Variants in NKAIN3 observed in about 807,000 individuals in gnomAD.
NKAIN3 encodes the protein sodium/potassium transporting ATPase interacting 3, also known as sodium/potassium-transporting ATPase subunit beta-1-interacting protein 3.
NKAIN3 carries 25 observed loss-of-function variants against 30.2 expected under a neutral mutation model. The observed-to-expected ratio is 0.83, with a 90% CI of 0.60 to 1.16. The LOEUF is 1.16. Ranked by LOEUF, NKAIN3 falls within the 50% of genes most tolerant of loss-of-function variation. The pLI is 0.00. For missense variants in NKAIN3, 225 were observed against 254.1 expected, an observed-to-expected ratio of 0.89 and a Z score of 0.78; for synonymous variants, 91 against 89.6, an observed-to-expected ratio of 1.02 and a Z score of -0.09.
intron 1 of NKAIN3, among the ~76,000 whole-genome samples, chr8:62,305,926 G>A (rs1814222804): frequency 6.6e-6 from 1 of 150,524 alleles, no homozygotes; most frequent in Non-Finnish European, 1.5e-5. Context: ...GTGCTAGGGG[G>A]GTCCTGTTGG....
chr8:62,345,095 T>G (rs1479819241), intron 1 of NKAIN3, among the ~76,000 whole-genome samples: 1 of 151,898 alleles, frequency 6.6e-6, no homozygotes, highest in Non-Finnish European at 1.5e-5. Flanking sequence ...TTTCTTGATT[T>G]CATTTTCAGA....
At chr8:62,403,732 C>A (rs1803963651) in intron 1 of NKAIN3, among the ~76,000 whole-genome samples, 3 of 152,200 alleles carry the variant, frequency 2.0e-5, no homozygotes, top group Admixed American at 1.3e-4. Context: ...TCATGGAGAA[C>A]CTCTGCTAGG....
chr8:62,447,624 C>A (rs1805524985), intron 1 of NKAIN3, among the ~76,000 whole-genome samples: 1 of 151,894 alleles, frequency 6.6e-6, no homozygotes, highest in African/African-American at 2.4e-5. Context: ...TCCAACCAAC[C>A]AATGCATATA....
At position 62,965,492 on chromosome 8, in the gene NKAIN3, T is replaced by G; in HGVS notation, c.*85T>G. 1 of 985,720 alleles carries G rather than the reference T, an allele frequency of 1.0e-6. No individual in the cohort carries two copies. The highest frequency in any genetic ancestry group is 1.2e-6 in the Non-Finnish European group (1 of 829,914). 61.1% of individuals were successfully genotyped at this position (985,720 alleles called of 1,614,324 possible). On this transcript the variant is annotated 3_prime_UTR_variant, in exon 7 of 7. Coordinates refer to ENST00000623646, the MANE Select transcript of NKAIN3 (RefSeq NM_001304533.3). Reference sequence around the variant, plus strand: ...AGAGGCTAGACTGTGCTTCCTGGCTTTCCCACGAATCATGGAGCATTTTGG... The same window carrying G: ...AGAGGCTAGACTGTGCTTCCTGGCTGTCCCACGAATCATGGAGCATTTTGG...
chr8:62,888,988 T>A (rs935729430), intron 4 of NKAIN3, among the ~76,000 whole-genome samples: 5 of 152,184 alleles, frequency 3.3e-5, no homozygotes, highest in African/African-American at 1.2e-4. Flanking sequence ...AAAAGTTTCT[T>A]AGACAAATGC....
chr8:62,623,301 C>T (rs979500043), intron 3 of NKAIN3, among the ~76,000 whole-genome samples: 1 of 152,052 alleles, frequency 6.6e-6, no homozygotes, highest in Admixed American at 6.6e-5. Flanking sequence ...GATCAGGAAA[C>T]CCTTCACTAG....
At chr8:62,878,753 C>T (rs1226544522) in intron 4 of NKAIN3, among the ~76,000 whole-genome samples, 1 of 148,796 alleles carries the variant, frequency 6.7e-6, no homozygotes, top group East Asian at 2.0e-4. Context: ...TGAGTGAGAA[C>T]ATGCGGTGTT....
At chr8:62,295,115 C>T (rs1463667617) in intron 1 of NKAIN3, among the ~76,000 whole-genome samples, 2 of 152,062 alleles carry the variant, frequency 1.3e-5, no homozygotes, top group Non-Finnish European at 2.9e-5. Flanking sequence ...GAGGCACAAC[C>T]TTAAATAGAA....
chr8:62,687,163 C>T (rs1813823349), intron 3 of NKAIN3, among the ~76,000 whole-genome samples: 1 of 152,202 alleles, frequency 6.6e-6, no homozygotes. Context: ...CACATGATCA[C>T]ATTTGAATTG....
chr8:62,635,106 C>A (rs1812086805), intron 3 of NKAIN3, among the ~76,000 whole-genome samples: 1 of 151,974 alleles, frequency 6.6e-6, no homozygotes, highest in African/African-American at 2.4e-5. Flanking sequence ...TCTGCAGAGA[C>A]CTTAGGCACT....
intron 4 of NKAIN3, among the ~76,000 whole-genome samples, chr8:62,822,197 G>T (rs900425628): frequency 2.0e-5 from 3 of 152,134 alleles, no homozygotes; most frequent in Admixed American, 6.6e-5. Context: ...TTCTATTGCT[G>T]ATTTTATCTT....
intron 1 of NKAIN3, among the ~76,000 whole-genome samples, chr8:62,265,752 T>C (rs921002569): frequency 2.6e-5 from 4 of 152,190 alleles, no homozygotes; most frequent in Non-Finnish European, 5.9e-5. Context: ...AGATGTGGCA[T>C]TAACACTGTA....
In NKAIN3 at chr8:62,331,279, T is replaced by A. The variant is rs547388409; in HGVS notation, c.54+82152T>A. On this transcript the variant is annotated intron_variant, in intron 1 of 6. Coordinates refer to ENST00000623646, the MANE Select transcript of NKAIN3 (RefSeq NM_001304533.3). ...CCTGTCCCCAGCTAACTCCTACATG[T>A]TAGGAGTTAGAACTCATACATGTTA... Among the ~76,000 whole-genome samples, 5 of 151,912 alleles carry A rather than the reference T, an allele frequency of 3.3e-5. No individual in the cohort carries two copies. The South Asian group carries it at 1.0e-3, about 32-fold the overall frequency.
At chr8:62,594,559 C>A (rs1333892540) in intron 3 of NKAIN3, among the ~76,000 whole-genome samples, 1 of 152,134 alleles carries the variant, frequency 6.6e-6, no homozygotes, top group Non-Finnish European at 1.5e-5. Flanking sequence ...CTACAAAGGC[C>A]CAACCAAATG....
At chr8:62,963,529 CCTT>C (rs1823628926) in intron 6 of NKAIN3, among the ~76,000 whole-genome samples, 3 of 152,302 alleles carry the variant, frequency 2.0e-5, no homozygotes, top group Non-Finnish European at 2.9e-5. Context: ...AAGAAAAACA[CCTT>C]CTCCTGTTGC....
At chr8:62,626,895 G>C (rs1811805887) in intron 3 of NKAIN3, among the ~76,000 whole-genome samples, 1 of 152,042 alleles carries the variant, frequency 6.6e-6, no homozygotes, top group Non-Finnish European at 1.5e-5. Context: ...AATTAAATCT[G>C]TTCAACATGT....
At chr8:62,758,544 A>G (rs921813008) in intron 4 of NKAIN3, among the ~76,000 whole-genome samples, 1 of 152,186 alleles carries the variant, frequency 6.6e-6, no homozygotes, top group African/African-American at 2.4e-5. Context: ...TTTCCAATCA[A>G]TTATCTAAGA....
chr8:62,616,549 A>G (rs1368180796), intron 3 of NKAIN3, among the ~76,000 whole-genome samples: 79 of 152,146 alleles, frequency 5.2e-4, no homozygotes, highest in Non-Finnish European at 4.4e-5. Flanking sequence ...TGATGTGTTG[A>G]TGTGTTGATT....
At chr8:62,451,488 T>C (rs1398074453) in intron 1 of NKAIN3, among the ~76,000 whole-genome samples, 2 of 152,126 alleles carry the variant, frequency 1.3e-5, no homozygotes, top group Non-Finnish European at 2.9e-5. Context: ...CTTCATAAAG[T>C]ACATAAATCA....
Sources: gnomAD v4.1 joint callset for allele counts (sites outside exome capture counted in the v4.1 genomes callset) on GRCh38, gnomAD v4.1.1 for gene constraint, MANE v1.5 for transcripts, NCBI Gene and HGNC (gene_info 2026-07-23, HGNC 2026-07-21) for gene names.